POTEI: variants seen among roughly 807,000 people sequenced by gnomAD.
POTEI encodes the protein POTE ankyrin domain family, member I.
A neutral mutation model predicts 43.4 loss-of-function variants in POTEI; 14 were observed. The ratio of observed to expected loss-of-function variants is 0.32; its 90% CI spans 0.21 to 0.50. The LOEUF (loss-of-function observed/expected upper bound fraction) is 0.50, where lower values mean the gene tolerates loss of function less well. POTEI is among the 20% of genes least tolerant of loss of function. The probability of loss-of-function intolerance (pLI) is 0.98; values close to 1 mark genes in which losing one functional copy is unlikely to be tolerated. For synonymous variants in POTEI, 95 were observed against 297.9 expected (o/e 0.32, Z 7.01); for missense variants, 235 against 795.4 (o/e 0.30, Z 8.47).
Position 130,483,835 on chromosome 2 carries a change from C to T in POTEI, c.1410-1762G>A, listed in dbSNP as rs183937768. Among the ~76,000 whole-genome samples the T allele has an allele frequency of 2.4e-3, 365 of 150,710 alleles. 11 individuals are homozygous for T. The highest frequency in any genetic ancestry group is 8.3e-3 in the African/African-American group (334 of 40,464). ...TGACCTCGTGATCCGCCTGCCTCGG[C>T]CTCCCAAAGTGCTGTGATTACAGGT... On this transcript the variant is annotated intron_variant, in intron 9 of 14. Coordinates refer to ENST00000451531, the MANE Select transcript of POTEI (RefSeq NM_001277406.2).
chr2:130,493,054 C>A (rs1227614019), intron 6 of POTEI, among the ~76,000 whole-genome samples: 1 of 122,234 alleles, frequency 8.2e-6, no homozygotes. Context: ...AAATGCCCTG[C>A]TAAAGGGATT....
In POTEI at chr2:130,461,837, G is replaced by A. The variant is rs1573904149; in HGVS notation, c.*979C>T. On this transcript the variant is annotated 3_prime_UTR_variant, in exon 15 of 15. Transcript: ENST00000451531. The stretch of plus-strand genomic sequence containing the variant: ...GCTGGAATGACTAAGTTGCCTGAAC[G>A]GGAAAGATGGCGGCCTGCCCCGTCT... The A allele has an allele frequency of 3.3e-5, 5 of 151,886 alleles. No homozygotes were observed. Among genetic ancestry groups the A allele is most frequent in the South Asian group, 2.1e-4 (1 of 4,754 alleles). The allele number at this position is 151,886 out of a possible 1,614,324, so 9.4% of individuals were successfully genotyped here.
At position 130,493,964 on chromosome 2, in the gene POTEI, C is replaced by A. The variant is rs1683834190; in HGVS notation, c.1126+2588G>T. ...TTGATGCTACTCCAAGGATGTATGA[C>A]AAGGAAACTATAGCTGACTACTGCA... On this transcript the variant is annotated intron_variant, in intron 6 of 14. Coordinates refer to ENST00000451531, the MANE Select transcript of POTEI (RefSeq NM_001277406.2). Among the ~76,000 whole-genome samples the A allele has an allele frequency of 4.9e-5, 2 of 40,838 alleles. 1 individual carries two copies. Among genetic ancestry groups the A allele is most frequent in the Non-Finnish European group, 1.1e-4 (2 of 18,120 alleles). The allele number at this position is 40,838 out of a possible 152,430, so 26.8% of individuals were successfully genotyped here.
chr2:130,492,780 G>C (rs1289497319), intron 6 of POTEI, among the ~76,000 whole-genome samples: 1 of 116,004 alleles, frequency 8.6e-6, no homozygotes, highest in Non-Finnish European at 1.8e-5. Flanking sequence ...TACTTGGTTT[G>C]GGAAGGTGAT....
At chr2:130,483,952 C>A (rs2672109) in intron 9 of POTEI, among the ~76,000 whole-genome samples, 1 of 150,234 alleles carries the variant, frequency 6.7e-6, no homozygotes, top group Non-Finnish European at 1.5e-5. Flanking sequence ...ACTTATTTAA[C>A]AAGTATTTAT....
intron 5 of POTEI, chr2:130,497,653 C>T (rs1229200520): frequency 4.2e-5 from 2 of 47,878 alleles, no homozygotes; most frequent in African/African-American, 9.3e-5. Context: ...ATCACAATTT[C>T]AATATTTGGG....
intron 6 of POTEI, among the ~76,000 whole-genome samples, chr2:130,495,532 C>T (rs180940716): frequency 0.039 from 1,554 of 39,866 alleles, 510 homozygotes; most frequent in African/African-American, 0.1. Flanking sequence ...TTGTCTCCTG[C>T]GACTTATAAA....
At chr2:130,466,280 CAGG>C (rs1449807169) in intron 13 of POTEI, among the ~76,000 whole-genome samples, 4 of 148,138 alleles carry the variant, frequency 2.7e-5, no homozygotes, top group Admixed American at 2.7e-4. Context: ...GCTGATCTGA[CAGG>C]AGGAGGAGCT....
In POTEI at chr2:130,477,525, G is replaced by A. The variant is rs1431589303; in HGVS notation, c.1481-824C>T. ...CAAATAAACAGGTACCTCCTTCCTTGAGGCTGCCTTAGTACTTTACTGATT... is the reference window on the plus strand; with the variant it reads ...CAAATAAACAGGTACCTCCTTCCTTAAGGCTGCCTTAGTACTTTACTGATT... On this transcript the variant is annotated intron_variant, in intron 10 of 14. Transcript: ENST00000451531. Among the ~76,000 whole-genome samples the A allele has an allele frequency of 2.0e-5, 3 of 150,400 alleles. 1 individual carries two copies.
In POTEI at chr2:130,495,295, G is replaced by A. The variant is rs2443687; in HGVS notation, c.1126+1257C>T. On this transcript the variant is annotated intron_variant, in intron 6 of 14. Coordinates refer to ENST00000451531, the MANE Select transcript of POTEI (RefSeq NM_001277406.2). ...ATAAAGTAGTAAAATAATGAAAATG[G>A]CAATGATAAGAAAAAGCTCCTGTCT... Among the ~76,000 whole-genome samples, 127 of 46,346 alleles carry A rather than the reference G, an allele frequency of 2.7e-3. 32 individuals carry two copies. The highest frequency in any genetic ancestry group is 6.0e-3 in the African/African-American group (125 of 20,800). 30.4% of individuals were successfully genotyped at this position (46,346 alleles called of 152,430 possible).
At chr2:130,468,400 AG>A (rs1682921382) in intron 13 of POTEI, among the ~76,000 whole-genome samples, 1 of 152,246 alleles carries the variant, frequency 6.6e-6, no homozygotes, top group African/African-American at 2.4e-5. Flanking sequence ...TAAAGGAAAG[AG>A]GATTAATTGA....
chr2:130,508,829 C>A lies in POTEI; in HGVS notation c.407G>T (p.Arg136Leu). The change falls in exon 1 of 15, where the codon CGT (arginine) becomes CTT (leucine). Residue 136 changes from arginine to leucine, a missense_variant. Arg to Leu is a moderately radical substitution (Grantham distance 102). Transcript: ENST00000451531. ...GTGGAGCTTGTCCAGATCTTCTCGACGGACGTGGTATCTCGGCTCCACGAA... is the reference window on the plus strand; with the variant it reads ...GTGGAGCTTGTCCAGATCTTCTCGAAGGACGTGGTATCTCGGCTCCACGAA... ...SAFVEPRYHV[R>L]REDLDKLHRA... 1 of 1,536,760 alleles carries A rather than the reference C, an allele frequency of 6.5e-7. No individual in the cohort carries two copies. The highest frequency in any genetic ancestry group is 8.7e-7 in the Non-Finnish European group (1 of 1,147,974).
At chr2:130,483,668 C>T (rs1321507393) in intron 9 of POTEI, among the ~76,000 whole-genome samples, 4 of 139,254 alleles carry the variant, frequency 2.9e-5, no homozygotes, top group Admixed American at 7.3e-5. Context: ...GATCTCGGCT[C>T]ACTGCAAGCT....
At chr2:130,483,596 C>CTTGTT (rs748924133) in intron 9 of POTEI, among the ~76,000 whole-genome samples, 8,077 of 16,328 alleles carry the variant, frequency 0.49, 1,614 homozygotes, top group East Asian at 0.68. Context: ...CCATGTCAAA[C>CTTGTT]TTGTTTTTTT....
chr2:130,466,925 C>CA (rs1682849574), intron 13 of POTEI, among the ~76,000 whole-genome samples: 2 of 51,674 alleles, frequency 3.9e-5, no homozygotes, highest in Admixed American at 4.8e-4. Flanking sequence ...ACAGTGGCTG[C>CA]AAAAAAGTGT....
At chr2:130,483,965 G>T (rs1395177328) in intron 9 of POTEI, among the ~76,000 whole-genome samples, 1 of 149,988 alleles carries the variant, frequency 6.7e-6, no homozygotes, top group African/African-American at 2.5e-5. Context: ...GTATTTATTA[G>T]GTAGCTACAT....
At position 130,493,600 on chromosome 2, in the gene POTEI, A is replaced by G. The variant is rs563990870; in HGVS notation, c.1127-2860T>C. Among the ~76,000 whole-genome samples, 228 of 39,866 alleles carry G rather than the reference A, an allele frequency of 5.7e-3. 78 individuals are homozygous for G. The highest frequency in any genetic ancestry group is 0.015 in the Admixed American group (45 of 3,066). The allele number at this position is 39,866 out of a possible 152,430, so 26.2% of individuals were successfully genotyped here. ...CTTCTTCCTCACATCCAGGTTAAAT[A>G]CTACTGTACAACCTGGAAACCTGGA... is the stretch of plus-strand genomic sequence containing the variant. On this transcript the variant is annotated intron_variant, in intron 6 of 14. Transcript: ENST00000451531.
Position 130,483,840 on chromosome 2 carries a change from C to G in POTEI, c.1410-1767G>C, listed in dbSNP as rs538868432. On this transcript the variant is annotated intron_variant, in intron 9 of 14. Coordinates refer to ENST00000451531, the MANE Select transcript of POTEI (RefSeq NM_001277406.2). ...TCGTGATCCGCCTGCCTCGGCCTCC[C>G]AAAGTGCTGTGATTACAGGTGTGAG... Among the ~76,000 whole-genome samples, 34 of 150,736 alleles carry G rather than the reference C, an allele frequency of 2.3e-4. 1 individual carries two copies. The highest frequency in any genetic ancestry group is 8.1e-4 in the African/African-American group (33 of 40,502).
chr2:130,484,276 G>A lies in POTEI; in HGVS notation c.1410-2203C>T, dbSNP rs549503532. On this transcript the variant is annotated intron_variant, in intron 9 of 14. Transcript: ENST00000451531. Reference sequence around the variant, plus strand: ...GAAACGATGACATAAGGTTAACAGCGCTGATGTCAAGATACAAATAGGTTT... The same window carrying A: ...GAAACGATGACATAAGGTTAACAGCACTGATGTCAAGATACAAATAGGTTT... 1.9e-4 allele frequency among the ~76,000 whole-genome samples: 28 copies of A among 149,176 alleles called. No individual in the cohort carries two copies. The South Asian group carries it at 3.5e-3, about 19-fold the overall frequency.
Sources: allele counts gnomAD v4.1 joint callset (sites outside exome capture counted in the v4.1 genomes callset), GRCh38; gene constraint gnomAD v4.1.1; transcripts MANE v1.5; gene names NCBI Gene and HGNC (gene_info 2026-07-23, HGNC 2026-07-21).